The following LUC7L3 variants were observed in gnomAD, a reference collection of about 807,000 sequenced individuals.
LUC7L3 encodes the protein LUC7 like 3 pre-mRNA splicing factor.
In LUC7L3, 6 loss-of-function variants were observed where a neutral mutation model predicts 66.8. The ratio of observed to expected loss-of-function variants is 0.09; its 90% CI spans 0.05 to 0.18. LUC7L3 has a LOEUF of 0.18. Among genes scored for constraint, LUC7L3 ranks in the 10% least tolerant of loss-of-function variants. LUC7L3 has a pLI of 1.00. For missense variants in LUC7L3, 341 were observed against 531.1 expected, an observed-to-expected ratio of 0.64 and a Z score of 3.52; for synonymous variants, 160 against 174.7, an observed-to-expected ratio of 0.92 and a Z score of 0.66.
intron 1 of LUC7L3, among the ~76,000 whole-genome samples, chr17:50,720,803 G>A (rs1022855978): frequency 8.5e-5 from 13 of 152,178 alleles, no homozygotes; most frequent in African/African-American, 3.1e-4. Context: ...GTAGGCTTTG[G>A]TTAAGGTAAA....
chr17:50,728,428 T>C (rs1969344240), intron 1 of LUC7L3, among the ~76,000 whole-genome samples: 1 of 152,128 alleles, frequency 6.6e-6, no homozygotes, highest in South Asian at 2.1e-4. Context: ...TCTTTGGGGG[T>C]TTATCTTTAA....
chr17:50,729,988 CTG>C (rs894690772), intron 1 of LUC7L3, among the ~76,000 whole-genome samples: 4 of 142,026 alleles, frequency 2.8e-5, no homozygotes, highest in Non-Finnish European at 6.2e-5. Context: ...GTGTCTGGCT[CTG>C]TTACCCAGGC....
At position 50,751,740 on chromosome 17, in the gene LUC7L3, T is replaced by C; in HGVS notation, c.*1079T>C. On this transcript the variant is annotated 3_prime_UTR_variant, in exon 10 of 10. Coordinates refer to ENST00000505658, the MANE Select transcript of LUC7L3 (RefSeq NM_016424.5). Reference sequence around the variant, plus strand: ...GTAGGAATAGTCACTCACTGGCTGATACATTTAAAGCAGCAGTGTGAATAG... The same window carrying C: ...GTAGGAATAGTCACTCACTGGCTGACACATTTAAAGCAGCAGTGTGAATAG... 9.7e-7 allele frequency: 1 copy of C among 1,036,178 alleles called. No individual in the cohort carries two copies. The highest frequency in any genetic ancestry group is 1.2e-6 in the Non-Finnish European group (1 of 859,656). The allele number at this position is 1,036,178 out of a possible 1,614,324, so 64.2% of individuals were successfully genotyped here. A position where few individuals can be genotyped will look rare whatever the true frequency, so the allele number is the denominator to read the frequency against.
intron 2 of LUC7L3, chr17:50,737,460 T>G: frequency 1.1e-5 from 4 of 355,452 alleles, no homozygotes; most frequent in Non-Finnish European, 2.2e-5. Flanking sequence ...CTGGACAGGC[T>G]CAGGATTTGG....
At chr17:50,723,741 A>G (rs1968959321) in intron 1 of LUC7L3, 1 of 284,632 alleles carries the variant, frequency 3.5e-6, no homozygotes, top group African/African-American at 2.7e-5. Flanking sequence ...TGCAACCTCC[A>G]CCTCCTGGCC....
At chr17:50,750,051 T>C (rs1350039522) in intron 9 of LUC7L3, among the ~76,000 whole-genome samples, 1 of 152,228 alleles carries the variant, frequency 6.6e-6, no homozygotes, top group Non-Finnish European at 1.5e-5. Flanking sequence ...TTGAAAAATA[T>C]GTAGTTGTAG....
At position 50,736,716 on chromosome 17, in the gene LUC7L3, G is replaced by A. The variant is rs1309826268; in HGVS notation, c.100-244G>A. ...ATTTGTTTTTGCTACTGGGGGGTCA[G>A]CAGGTGATGATTAAAAATAGATAAA... On this transcript the variant is annotated intron_variant, in intron 1 of 9. Coordinates refer to ENST00000505658, the MANE Select transcript of LUC7L3 (RefSeq NM_016424.5). The A allele has an allele frequency of 1.8e-5, 7 of 397,602 alleles. No homozygotes were observed. In the South Asian group the frequency reaches 1.8e-4, roughly 10 times the overall value. The allele number at this position is 397,602 out of a possible 1,614,324, so 24.6% of individuals were successfully genotyped here.
chr17:50,755,186 TAAAA>T lies in LUC7L3; in HGVS notation c.*4533_*4536del, dbSNP rs909296803. On this transcript the variant is annotated 3_prime_UTR_variant, in exon 10 of 10. Coordinates refer to ENST00000505658, the MANE Select transcript of LUC7L3 (RefSeq NM_016424.5). ...TTATAATTGTAATGTTGCCCATGGTTAAAAAAAAAAAGTGTTCAGTGATCTATGT... is the reference window on the plus strand; with the variant it reads ...TTATAATTGTAATGTTGCCCATGGTTAAAAAAAGTGTTCAGTGATCTATGT... 4.5e-4 allele frequency: 66 copies of T among 147,048 alleles called. No homozygotes were observed. Among genetic ancestry groups the T allele is most frequent in the African/African-American group, 1.6e-3 (63 of 40,384 alleles). 9.1% of individuals were successfully genotyped at this position (147,048 alleles called of 1,614,324 possible). A position where few individuals can be genotyped will look rare whatever the true frequency, so the allele number is the denominator to read the frequency against.
chr17:50,742,357 T>C (rs1307601398), intron 5 of LUC7L3, among the ~76,000 whole-genome samples: 2 of 152,166 alleles, frequency 1.3e-5, no homozygotes, highest in South Asian at 4.1e-4. Flanking sequence ...GAGTCTGTTT[T>C]GTTGTCGTTG....
intron 1 of LUC7L3, among the ~76,000 whole-genome samples, chr17:50,724,718 T>C (rs1169750434): frequency 6.6e-6 from 1 of 151,728 alleles, no homozygotes; most frequent in Non-Finnish European, 1.5e-5. Context: ...ATTTGACTTT[T>C]TTGCTAATAC....
rs914508592 is a variant in LUC7L3, at chr17:50,741,719, A to G, written c.414A>G (p.Val138=). ...KIQVLTDKID[V]LLQQIEELGS... ...AGGTTCTAACAGACAAAATTGATGT[A>G]CTTCTGCAACAGGTGAGAATTGTGT... The change falls in exon 5 of 10, where the codon GTA becomes GTG. Residue 138 remains valine (V), a synonymous_variant. Coordinates refer to ENST00000505658, the MANE Select transcript of LUC7L3 (RefSeq NM_016424.5). 1 of 1,613,472 alleles carries G rather than the reference A, an allele frequency of 6.2e-7. No homozygotes were observed. Among genetic ancestry groups the G allele is most frequent in the Non-Finnish European group, 8.5e-7 (1 of 1,179,398 alleles).
At chr17:50,737,553 C>G (rs1970056855) in intron 2 of LUC7L3, 1 of 226,894 alleles carries the variant, frequency 4.4e-6, no homozygotes, top group South Asian at 5.3e-5. Context: ...TTCAGGGTTT[C>G]TCAACCTTGA....
At position 50,750,753 on chromosome 17, in the gene LUC7L3, G is replaced by T; in HGVS notation, c.*92G>T. ...TTTTGTTACTGTTTGACAGTGCAGCGTAAGTATGCACAGATGAAGATGGAA... is the reference window on the plus strand; with the variant it reads ...TTTTGTTACTGTTTGACAGTGCAGCTTAAGTATGCACAGATGAAGATGGAA... On this transcript the variant is annotated 3_prime_UTR_variant, in exon 10 of 10. Transcript: ENST00000505658. The T allele has an allele frequency of 6.2e-7, 1 of 1,607,658 alleles. No individual in the cohort carries two copies. Among genetic ancestry groups the T allele is most frequent in the South Asian group, 1.1e-5 (1 of 90,494 alleles).
intron 1 of LUC7L3, 76 bp from the exon 2 acceptor site, chr17:50,736,884 T>C: frequency 2.4e-6 from 2 of 837,274 alleles, no homozygotes; most frequent in South Asian, 1.5e-5. Flanking sequence ...AATGAGAAAA[T>C]AGTTATTTGG....
intron 1 of LUC7L3, among the ~76,000 whole-genome samples, chr17:50,721,166 C>T (rs1968725742): frequency 6.6e-6 from 1 of 151,856 alleles, no homozygotes; most frequent in African/African-American, 2.4e-5. Flanking sequence ...GAATAACGCT[C>T]AAAATCCTAA....
Position 50,719,724 on chromosome 17 carries a change from G to A in LUC7L3, c.-9G>A. ...GGGCTGGTGGGAACAGCCGCCCGAA[G>A]GAAGCACCATGATTTCGGCCGCGCA... On this transcript the variant is annotated 5_prime_UTR_variant, in exon 1 of 10. Transcript: ENST00000505658. 6.2e-7 allele frequency: 1 copy of A among 1,608,974 alleles called. No homozygotes were observed. Among genetic ancestry groups the A allele is most frequent in the Non-Finnish European group, 8.5e-7 (1 of 1,177,510 alleles).
At chr17:50,736,763 A>C in intron 1 of LUC7L3, 197 bp from the exon 2 acceptor site, 4 of 526,426 alleles carry the variant, frequency 7.6e-6, no homozygotes, top group Non-Finnish European at 1.0e-5. Flanking sequence ...TAATACGAGT[A>C]CTGCAGATTT....
At position 50,754,736 on chromosome 17, in the gene LUC7L3, CAT is replaced by C. The variant is rs1401495433; in HGVS notation, c.*4078_*4079del. 6.6e-6 allele frequency: 1 copy of C among 152,082 alleles called. No homozygotes were observed. The highest frequency in any genetic ancestry group is 1.5e-5 in the Non-Finnish European group (1 of 68,024). 9.4% of individuals were successfully genotyped at this position (152,082 alleles called of 1,614,324 possible). On this transcript the variant is annotated 3_prime_UTR_variant, in exon 10 of 10. Transcript: ENST00000505658. ...GATCTTGAGCTTATAATAACCTAGT[CAT>C]ATTGCTCAGCTCAGATATTTTTACT...
In LUC7L3 at chr17:50,741,241, T is replaced by C. The variant is rs774858730; in HGVS notation, c.346T>C (p.Ser116Pro). 2 of 1,614,102 alleles carry C rather than the reference T, an allele frequency of 1.2e-6. No homozygotes were observed. The highest frequency in any genetic ancestry group is 1.7e-6 in the Non-Finnish European group (2 of 1,179,982). ...GGCATTATCTCAAAACCAGCAGTCTTCTGGGGTAAGTGAAGTCAATTCAGT... is the reference window on the plus strand; with the variant it reads ...GGCATTATCTCAAAACCAGCAGTCTCCTGGGGTAAGTGAAGTCAATTCAGT... ...RLALSQNQQS[S>P]GAAGPTGKNE... The change falls in exon 4 of 10, where the codon TCT (serine) becomes CCT (proline). Residue 116 changes from serine (S) to proline (P), a missense_variant. Transcript: ENST00000505658.
Sources: gnomAD v4.1 joint callset for allele counts (sites outside exome capture counted in the v4.1 genomes callset) on GRCh38, gnomAD v4.1.1 for gene constraint, MANE v1.5 for transcripts, NCBI Gene and HGNC (gene_info 2026-07-23, HGNC 2026-07-21) for gene names.